Variants in TINAG observed in about 807,000 individuals in gnomAD.
TINAG encodes the protein tubulointerstitial nephritis antigen.
Under a neutral mutation model 72.7 loss-of-function variants are expected in TINAG, and 83 were observed. The observed-to-expected ratio is 1.14, with a 90% CI of 0.96 to 1.37. TINAG has a LOEUF of 1.37. TINAG is among the 40% of genes most tolerant of loss of function. The pLI is 0.00. For missense variants in TINAG, 685 were observed against 576.6 expected (o/e 1.19, Z -1.93); for synonymous variants, 234 against 189.9 (o/e 1.23, Z -1.91).
chr6:54,389,047 T>C (rs1418094755), intron 10 of TINAG, among the ~76,000 whole-genome samples: 1 of 152,120 alleles, frequency 6.6e-6, no homozygotes, highest in Non-Finnish European at 1.5e-5. Context: ...TCATAATTTT[T>C]CCCATTATTT....
intron 9 of TINAG, 34 bp from the exon 10 acceptor site, chr6:54,380,492 C>A (rs776468497): frequency 3.2e-6 from 5 of 1,577,518 alleles, no homozygotes; most frequent in South Asian, 2.3e-5. Context: ...AACATTTTAA[C>A]CATACCAATC....
At chr6:54,385,777 C>A (rs1003272179) in intron 10 of TINAG, among the ~76,000 whole-genome samples, 1 of 149,992 alleles carries the variant, frequency 6.7e-6, no homozygotes, top group Non-Finnish European at 1.5e-5. Flanking sequence ...GATAACACTC[C>A]ATAAGTGAAA....
intron 10 of TINAG, among the ~76,000 whole-genome samples, chr6:54,387,857 G>A (rs541376812): frequency 1.6e-4 from 25 of 152,190 alleles, no homozygotes; most frequent in African/African-American, 5.8e-4. Context: ...AGAAATGAGA[G>A]TAGGAAGAAT....
At chr6:54,381,330 C>A (rs958988202) in intron 10 of TINAG, among the ~76,000 whole-genome samples, 1 of 138,808 alleles carries the variant, frequency 7.2e-6, no homozygotes, top group Non-Finnish European at 1.5e-5. Context: ...ACAAGCTGGT[C>A]AATTGTCCAA....
rs138638752 is a variant in TINAG at position 54,352,720 on chromosome 6, G to GTT, written c.1126+1332_1126+1333dup. On this transcript the variant is annotated intron_variant, in intron 8 of 10. Coordinates refer to ENST00000259782, the MANE Select transcript of TINAG (RefSeq NM_014464.4). ...AAGTTGTTGTATTATTGTTTCAAGT[G>GTT]TTTTTTTTTTCTTTTTCCCTCTCTC... 1.6e-3 allele frequency among the ~76,000 whole-genome samples: 235 copies of GTT among 144,180 alleles called. 1 individual carries two copies. Among genetic ancestry groups the GTT allele is most frequent in the African/African-American group, 5.0e-3 (199 of 39,596 alleles). 94.6% of individuals were successfully genotyped at this position (144,180 alleles called of 152,430 possible).
chr6:54,352,425 A>C (rs1036716201), intron 8 of TINAG, among the ~76,000 whole-genome samples: 1 of 151,898 alleles, frequency 6.6e-6, no homozygotes, highest in Non-Finnish European at 1.5e-5. Flanking sequence ...ATTTTTAAAA[A>C]TTATGGGAAA....
chr6:54,384,821 C>A (rs1007354724), intron 10 of TINAG, among the ~76,000 whole-genome samples: 10 of 152,036 alleles, frequency 6.6e-5, no homozygotes, highest in African/African-American at 2.4e-4. Flanking sequence ...TTGAAAAAAA[C>A]TATTAGCCAG....
chr6:54,317,379 G>T (rs1226397671), intron 1 of TINAG, among the ~76,000 whole-genome samples: 1 of 150,820 alleles, frequency 6.6e-6, no homozygotes, highest in Non-Finnish European at 1.5e-5. Flanking sequence ...CCCAGTGAGA[G>T]GGAATTGAAT....
At chr6:54,344,730 A>G (rs1785080146) in intron 5 of TINAG, among the ~76,000 whole-genome samples, 1 of 152,170 alleles carries the variant, frequency 6.6e-6, no homozygotes, top group Non-Finnish European at 1.5e-5. Context: ...TAGCCTCTGC[A>G]CTGTACCAAG....
intron 10 of TINAG, among the ~76,000 whole-genome samples, chr6:54,384,832 C>A (rs1205116395): frequency 2.0e-5 from 3 of 152,046 alleles, no homozygotes; most frequent in Non-Finnish European, 4.4e-5. Flanking sequence ...TATTAGCCAG[C>A]TTTATGTCAT....
At chr6:54,360,755 C>T (rs896073236) in intron 9 of TINAG, among the ~76,000 whole-genome samples, 4 of 149,774 alleles carry the variant, frequency 2.7e-5, no homozygotes, top group Non-Finnish European at 4.4e-5. Flanking sequence ...CTTGTCATCC[C>T]TGTTTGTGGA....
intron 4 of TINAG, 59 bp from the exon 5 acceptor site, chr6:54,343,167 T>C (rs1785038621): frequency 2.9e-6 from 4 of 1,385,544 alleles, no homozygotes; most frequent in South Asian, 3.8e-5. Context: ...GGGCGTGACA[T>C]TTTCCTATTG....
At chr6:54,348,106 G>C (rs902150914) in intron 6 of TINAG, among the ~76,000 whole-genome samples, 1 of 152,078 alleles carries the variant, frequency 6.6e-6, no homozygotes, top group Non-Finnish European at 1.5e-5. Flanking sequence ...ATTCAGCTAA[G>C]GAAGCTGCAG....
chr6:54,371,580 T>C (rs1314445204), intron 9 of TINAG, among the ~76,000 whole-genome samples: 1 of 151,946 alleles, frequency 6.6e-6, no homozygotes, highest in Admixed American at 6.6e-5. Context: ...TATTTATTTA[T>C]TTAATTTTGA....
intron 4 of TINAG, among the ~76,000 whole-genome samples, chr6:54,327,486 A>G (rs759965505): frequency 3.3e-5 from 5 of 152,012 alleles, no homozygotes; most frequent in Non-Finnish European, 7.4e-5. Context: ...AGGTGCCTAC[A>G]CTACCAGGAC....
At chr6:54,352,670 A>T (rs1785294110) in intron 8 of TINAG, among the ~76,000 whole-genome samples, 1 of 151,026 alleles carries the variant, frequency 6.6e-6, no homozygotes. Context: ...ACTTTGGGCA[A>T]TTTTCTTAAC....
rs746625121 is a variant in TINAG at position 54,381,911 on chromosome 6, C to T, written c.1296+1340C>T. Among the ~76,000 whole-genome samples the T allele has an allele frequency of 9.9e-5, 15 of 152,004 alleles. No individual in the cohort carries two copies. The East Asian group carries it at 1.4e-3, about 14-fold the overall frequency. On this transcript the variant is annotated intron_variant, in intron 10 of 10. Coordinates refer to ENST00000259782, the MANE Select transcript of TINAG (RefSeq NM_014464.4). ...TGGCCATTTGCTGAGTGAATATGAA[C>T]GAATGTGCAGAGGAAAATGTTTTGT...
rs538155954 is a variant in TINAG at position 54,325,715 on chromosome 6, A to T, written c.510-1087A>T. Among the ~76,000 whole-genome samples, 10 of 152,296 alleles carry T rather than the reference A, an allele frequency of 6.6e-5. No individual in the cohort carries two copies. In the South Asian group the frequency reaches 2.1e-3, roughly 32 times the overall value. On this transcript the variant is annotated intron_variant, in intron 3 of 10. Coordinates refer to ENST00000259782, the MANE Select transcript of TINAG (RefSeq NM_014464.4). ...ACTACTAACATAGGGCAACAAAAAC[A>T]TACTTACTGATGTCACAGTTTTGCC...
chr6:54,363,479 A>G (rs1353539466), intron 9 of TINAG, among the ~76,000 whole-genome samples: 5 of 151,400 alleles, frequency 3.3e-5, no homozygotes, highest in African/African-American at 4.8e-5. Flanking sequence ...GTAATGGGGC[A>G]TGGTGAAGGA....
Sources: allele counts gnomAD v4.1 joint callset (sites outside exome capture counted in the v4.1 genomes callset), GRCh38; gene constraint gnomAD v4.1.1; transcripts MANE v1.5; gene names NCBI Gene and HGNC (gene_info 2026-07-23, HGNC 2026-07-21).